Variants in CACNA1S observed in about 807,000 individuals in gnomAD.
CACNA1S encodes the protein calcium voltage-gated channel subunit alpha1 S.
A neutral mutation model predicts 207.4 loss-of-function variants in CACNA1S; 126 were observed. The ratio of observed to expected loss-of-function variants is 0.61; its 90% confidence interval spans 0.53 to 0.70. CACNA1S has a LOEUF of 0.70. Ranked by LOEUF, CACNA1S falls within the 30% of genes least tolerant of loss-of-function variation. The pLI is 0.00. For missense variants in CACNA1S, 2,349 were observed against 2,422.8 expected (o/e 0.97, Z 0.64); for synonymous variants, 960 against 932.7 (o/e 1.03, Z -0.53).
chr1:201,056,100 C>CACACACACAG (rs1359777309), intron 28 of CACNA1S, among the ~76,000 whole-genome samples: 25 of 151,882 alleles, frequency 1.6e-4, no homozygotes, highest in African/African-American at 5.6e-4. Flanking sequence ...CACACACACA[C>CACACACACAG]ACACACTGGT....
At chr1:201,091,604 C>T (rs1161600025) in intron 5 of CACNA1S, 36 bp downstream of exon 5, 1 of 1,613,470 alleles carries the variant, frequency 6.2e-7, no homozygotes, top group African/African-American at 1.3e-5. Flanking sequence ...CCATCCTAGG[C>T]CCTGCCCCAC....
chr1:201,041,695 C>A, intron 40 of CACNA1S, 106 bp from the exon 41 acceptor site: 2 of 831,104 alleles, frequency 2.4e-6, no homozygotes, highest in Non-Finnish European at 4.1e-6. Context: ...CTGTACAAGG[C>A]CAACCTAGTG....
At chr1:201,068,448 G>A (rs1488667876) in intron 19 of CACNA1S, among the ~76,000 whole-genome samples, 1 of 150,050 alleles carries the variant, frequency 6.7e-6, no homozygotes, top group African/African-American at 2.4e-5. Context: ...TCATCATGTT[G>A]GCCAGGCTGG....
In CACNA1S at chr1:201,047,149, C is replaced by T. The variant is rs955870765; in HGVS notation, c.4634G>A (p.Gly1545Asp). 1.2e-6 allele frequency: 2 copies of T among 1,614,050 alleles called. No homozygotes were observed. The highest frequency in any genetic ancestry group is 1.7e-6 in the Non-Finnish European group (2 of 1,180,042). ...TACAATGTCCTTCTTGGGCCGATAG[C>T]CATAATACTCCTCTTGGCGTTTCAT... is the stretch of plus-strand genomic sequence containing the variant. ...KFMKRQEEYY[G>D]YRPKKDIVQI... The change falls in exon 38 of 44, where the codon GGC becomes GAC. Residue 1545 changes from glycine (G) to aspartate (D), a missense_variant. Transcript: ENST00000362061.
In CACNA1S at chr1:201,058,436, A is replaced by G; in HGVS notation, c.3581T>C (p.Ile1194Thr). 3 of 1,614,190 alleles carry G rather than the reference A, an allele frequency of 1.9e-6. No homozygotes were observed. Among genetic ancestry groups the G allele is most frequent in the Non-Finnish European group, 2.5e-6 (3 of 1,179,976 alleles). The change falls in exon 28 of 44, where the codon ATC becomes ACC. Residue 1194 changes from isoleucine to threonine, a missense_variant. By Grantham distance (89) the Ile-to-Thr change is moderately conservative. Coordinates refer to ENST00000362061, the MANE Select transcript of CACNA1S (RefSeq NM_000069.3). The stretch of plus-strand genomic sequence containing the variant: ...GATCTCACTGAGGATGACATCAATG[A>G]TGCTGCCAATGACAATCAGGAAGTC... ...VFDFLIVIGS[I>T]IDVILSEIDT...
At chr1:201,090,550 A>G (rs1006568162) in intron 5 of CACNA1S, among the ~76,000 whole-genome samples, 2 of 152,202 alleles carry the variant, frequency 1.3e-5, no homozygotes, top group South Asian at 2.1e-4. Flanking sequence ...GGCCTAGAAC[A>G]GTTATTCTGG....
intron 10 of CACNA1S, among the ~76,000 whole-genome samples, chr1:201,082,355 A>C (rs1661870007): frequency 6.6e-6 from 1 of 152,072 alleles, no homozygotes; most frequent in African/African-American, 2.4e-5. Flanking sequence ...GCAACACAAG[A>C]ATGGCCTAAC....
intron 10 of CACNA1S, among the ~76,000 whole-genome samples, chr1:201,081,817 G>A (rs1290108548): frequency 2.6e-5 from 4 of 152,110 alleles, no homozygotes; most frequent in Non-Finnish European, 4.4e-5. Flanking sequence ...TCATTTAAAA[G>A]TGTGTGGCAC....
Position 201,112,311 on chromosome 1 carries a change from C to A in CACNA1S, c.29G>T (p.Gly10Val). The change falls in exon 1 of 44, where the codon GGC (glycine) becomes GTC (valine). Residue 10 changes from glycine to valine, a missense_variant. Gly to Val is a moderately radical substitution (Grantham distance 109, BLOSUM62 -3). Transcript: ENST00000362061. ...CTTCTTGGGCTGTTTCTTCCTCAGG[C>A]CTTCATCCTGGGGTGAGGATGGCTC... is the stretch of plus-strand genomic sequence containing the variant. Reference protein sequence around the residue: MEPSSPQDEGLRKKQPKKPV... With the variant: MEPSSPQDEVLRKKQPKKPV... 2 of 1,613,990 alleles carry A rather than the reference C, an allele frequency of 1.2e-6. No individual in the cohort carries two copies. The highest frequency in any genetic ancestry group is 1.7e-6 in the Non-Finnish European group (2 of 1,179,968).
rs1447689009 is a variant in CACNA1S at position 201,083,263 on chromosome 1, G to A, written c.1292C>T (p.Ser431Phe). The change falls in exon 10 of 44, where the codon TCC (serine) becomes TTC (phenylalanine). Residue 431 changes from serine (S) to phenylalanine (F), a missense_variant. Ser to Phe is a radical substitution (Grantham distance 155). Coordinates refer to ENST00000362061, the MANE Select transcript of CACNA1S (RefSeq NM_000069.3). ...FRWKCHDIVK[S>F]KVFYWLVILI... ...AATCACCAGCCAATAGAAGACCTTG[G>A]ACTTCACGATGTCATGGCACTTCCA... is the stretch of plus-strand genomic sequence containing the variant. The A allele has an allele frequency of 6.2e-7, 1 of 1,614,076 alleles. No homozygotes were observed. Among genetic ancestry groups the A allele is most frequent in the African/African-American group, 1.3e-5 (1 of 74,928 alleles).
intron 29 of CACNA1S, 110 bp downstream of exon 29, chr1:201,054,395 C>G: frequency 8.8e-7 from 1 of 1,133,488 alleles, no homozygotes; most frequent in East Asian, 2.4e-5. Context: ...GGGGAGGGAG[C>G]CCTGAGTGCT....
At chr1:201,083,965 T>A (rs770361172) in intron 9 of CACNA1S, among the ~76,000 whole-genome samples, 1 of 152,140 alleles carries the variant, frequency 6.6e-6, no homozygotes, top group African/African-American at 2.4e-5. Flanking sequence ...CATCCACAAC[T>A]GTTCCCTGCA....
At chr1:201,085,074 T>G in intron 8 of CACNA1S, 43 bp from the exon 9 acceptor site, 1 of 1,430,798 alleles carries the variant, frequency 7.0e-7, no homozygotes, top group Non-Finnish European at 9.8e-7. Flanking sequence ...TCGGGGCCCC[T>G]CTGGGCTGGA....
At chr1:201,110,105 G>T in intron 2 of CACNA1S, 59 bp downstream of exon 2, 1 of 1,463,428 alleles carries the variant, frequency 6.8e-7, no homozygotes, top group Non-Finnish European at 9.6e-7. Flanking sequence ...CACCAAGGGG[G>T]CCTCCCCAAG....
chr1:201,074,740 AAGGT>A, intron 13 of CACNA1S, 120 bp from the exon 14 acceptor site: 1 of 732,290 alleles, frequency 1.4e-6, no homozygotes, highest in Non-Finnish European at 2.5e-6. Flanking sequence ...TACCCATGGG[AAGGT>A]GTGGATCCAG....
intron 29 of CACNA1S, among the ~76,000 whole-genome samples, chr1:201,054,007 A>G (rs1389534079): frequency 6.6e-6 from 1 of 152,132 alleles, no homozygotes; most frequent in East Asian, 1.9e-4. Flanking sequence ...AGATTTCCCA[A>G]AGCTTGGCTG....
chr1:201,046,234 T>G (rs1218689975), intron 38 of CACNA1S, among the ~76,000 whole-genome samples: 1 of 152,116 alleles, frequency 6.6e-6, no homozygotes, highest in Non-Finnish European at 1.5e-5. Context: ...CTTGCTAGAG[T>G]GCAGTGGTGC....
At chr1:201,043,148 G>T in intron 40 of CACNA1S, 133 bp downstream of exon 40, 2 of 1,193,416 alleles carry the variant, frequency 1.7e-6, no homozygotes, top group Non-Finnish European at 1.2e-6. Context: ...TAAGGTTCAG[G>T]ATGGATTGGG....
At chr1:201,048,797 G>A in intron 35 of CACNA1S, 113 bp from the exon 36 acceptor site, 2 of 947,788 alleles carry the variant, frequency 2.1e-6, no homozygotes, top group East Asian at 2.5e-5. Flanking sequence ...GGCTGGGGGT[G>A]TCAGCTGACC....
Sources: allele counts gnomAD v4.1 joint callset (sites outside exome capture counted in the v4.1 genomes callset), GRCh38; gene constraint gnomAD v4.1.1; transcripts MANE v1.5; gene names NCBI Gene and HGNC (gene_info 2026-07-23, HGNC 2026-07-21).